Variants in SPATS2 observed in about 807,000 individuals in gnomAD.
SPATS2 encodes spermatogenesis associated serine rich 2.
In SPATS2, 38 loss-of-function variants were observed where a neutral mutation model predicts 63.7. The observed-to-expected ratio is 0.60, with a 90% CI of 0.46 to 0.78. SPATS2 has a LOEUF of 0.78. Among genes scored for constraint, SPATS2 ranks in the 30% least tolerant of loss-of-function variants. The pLI, the probability that SPATS2 is intolerant of heterozygous loss-of-function variation, is 0.00. For missense variants in SPATS2, 588 were observed against 666.2 expected, an observed-to-expected ratio of 0.88 and a Z score of 1.29; for synonymous variants, 207 against 232.9, an observed-to-expected ratio of 0.89 and a Z score of 1.01.
At chr12:49,500,034 T>TA (rs1210214706) in intron 8 of SPATS2, 36 bp from the exon 9 acceptor site, 1 of 1,249,884 alleles carries the variant, frequency 8.0e-7, no homozygotes, top group African/African-American at 1.6e-5. Flanking sequence ...TAATTATTCT[T>TA]TTTTTTTTTT....
At chr12:49,393,743 T>C (rs938035365) in intron 2 of SPATS2, among the ~76,000 whole-genome samples, 4 of 152,238 alleles carry the variant, frequency 2.6e-5, no homozygotes, top group African/African-American at 9.6e-5. Flanking sequence ...CCTTTTGATG[T>C]GACCCCAGTA....
At chr12:49,379,623 ATT>A (rs529791925) in intron 2 of SPATS2, among the ~76,000 whole-genome samples, 7 of 129,478 alleles carry the variant, frequency 5.4e-5, no homozygotes, top group Admixed American at 1.6e-4. Flanking sequence ...ATCTAGTTCA[ATT>A]TTTTTTTTTT....
In SPATS2 at chr12:49,383,326, A is replaced by AT. The variant is rs535019643; in HGVS notation, c.-244+12043dup. On this transcript the variant is annotated intron_variant, in intron 2 of 13. Coordinates refer to ENST00000552918, the MANE Select transcript of SPATS2 (RefSeq NM_023071.4). ...GAGACACCATGCCTGGATTGTATGT[A>AT]TTTTTTTAATGATATTTTGTATATT... 4.9e-3 allele frequency among the ~76,000 whole-genome samples: 751 copies of AT among 151,758 alleles called. 7 individuals carry two copies. Among genetic ancestry groups the AT allele is most frequent in the African/African-American group, 0.017 (700 of 41,392 alleles).
chr12:49,507,580 A>G (rs942407061), intron 9 of SPATS2, among the ~76,000 whole-genome samples: 1 of 152,224 alleles, frequency 6.6e-6, no homozygotes, highest in Non-Finnish European at 1.5e-5. Flanking sequence ...ATTAGATATA[A>G]GTAAAACTCA....
intron 2 of SPATS2, among the ~76,000 whole-genome samples, chr12:49,377,270 T>G (rs147831064): frequency 1.8e-4 from 27 of 152,292 alleles, no homozygotes; most frequent in African/African-American, 5.8e-4. Context: ...GTTATGATGA[T>G]CCTATAAATT....
chr12:49,498,151 T>TATAG (rs1565751668), intron 8 of SPATS2, among the ~76,000 whole-genome samples: 17 of 138,202 alleles, frequency 1.2e-4, no homozygotes, highest in Non-Finnish European at 2.5e-4. Flanking sequence ...AAAAAATATA[T>TATAG]ATATATATAT....
chr12:49,483,023 A>G (rs568454347), intron 3 of SPATS2, among the ~76,000 whole-genome samples: 13 of 150,704 alleles, frequency 8.6e-5, no homozygotes, highest in African/African-American at 2.7e-4. Flanking sequence ...TTCTGGGCTC[A>G]AGCGATCCAC....
chr12:49,385,846 T>A (rs1944306438), intron 2 of SPATS2, among the ~76,000 whole-genome samples: 1 of 131,600 alleles, frequency 7.6e-6, no homozygotes, highest in African/African-American at 3.8e-5. Flanking sequence ...GTTTTTTGTT[T>A]GTTTGTTTGT....
At chr12:49,378,124 C>A (rs1280314340) in intron 2 of SPATS2, among the ~76,000 whole-genome samples, 1 of 152,182 alleles carries the variant, frequency 6.6e-6, no homozygotes, top group East Asian at 1.9e-4. Context: ...AGGTGCTCGC[C>A]ACCATGCCTG....
At chr12:49,515,857 T>G (rs1946829364) in intron 10 of SPATS2, among the ~76,000 whole-genome samples, 1 of 151,546 alleles carries the variant, frequency 6.6e-6, no homozygotes, top group Non-Finnish European at 1.5e-5. Flanking sequence ...AAATAAGAAA[T>G]AAGGCTGGGC....
At chr12:49,429,254 TC>T (rs1315261442) in intron 2 of SPATS2, among the ~76,000 whole-genome samples, 6 of 152,314 alleles carry the variant, frequency 3.9e-5, no homozygotes, top group East Asian at 1.9e-4. Flanking sequence ...ATTTGAGGTT[TC>T]TTTTTTTTAT....
intron 2 of SPATS2, among the ~76,000 whole-genome samples, chr12:49,382,188 G>A (rs754349126): frequency 6.6e-6 from 1 of 152,182 alleles, no homozygotes; most frequent in Non-Finnish European, 1.5e-5. Flanking sequence ...GAAGTCTTTC[G>A]GGTGGATTCA....
At chr12:49,524,984 C>A in intron 13 of SPATS2, 88 bp downstream of exon 13, 3 of 1,269,220 alleles carry the variant, frequency 2.4e-6, no homozygotes, top group Non-Finnish European at 2.2e-6. Context: ...ATATTATCTT[C>A]CTCTCTATTC....
intron 4 of SPATS2, among the ~76,000 whole-genome samples, chr12:49,486,807 A>G (rs1164846975): frequency 6.6e-6 from 1 of 151,516 alleles, no homozygotes; most frequent in Non-Finnish European, 1.5e-5. Flanking sequence ...AAAAAGAGAG[A>G]GAAACCAGTA....
intron 2 of SPATS2, among the ~76,000 whole-genome samples, chr12:49,388,843 A>G (rs1374892149): frequency 6.6e-6 from 1 of 151,754 alleles, no homozygotes; most frequent in Non-Finnish European, 1.5e-5. Flanking sequence ...TGTAGGCACA[A>G]GTCCCCATGC....
At chr12:49,421,814 A>G (rs1024054604) in intron 2 of SPATS2, among the ~76,000 whole-genome samples, 1 of 152,204 alleles carries the variant, frequency 6.6e-6, no homozygotes, top group Non-Finnish European at 1.5e-5. Flanking sequence ...AATTTGGACT[A>G]TGTACGCTAC....
chr12:49,384,604 T>G (rs1338259859), intron 2 of SPATS2, among the ~76,000 whole-genome samples: 2 of 152,222 alleles, frequency 1.3e-5, no homozygotes, highest in Non-Finnish European at 2.9e-5. Flanking sequence ...AGTGAGATCA[T>G]ACAACATACT....
chr12:49,514,006 A>G (rs937912350), intron 9 of SPATS2, among the ~76,000 whole-genome samples: 1 of 152,056 alleles, frequency 6.6e-6, no homozygotes, highest in Non-Finnish European at 1.5e-5. Flanking sequence ...AATACAAAAA[A>G]AATAGACGAG....
intron 2 of SPATS2, among the ~76,000 whole-genome samples, chr12:49,399,688 A>G (rs1159242116): frequency 2.0e-5 from 3 of 152,224 alleles, no homozygotes; most frequent in Non-Finnish European, 2.9e-5. Context: ...CTTGAAAGAA[A>G]CAAATAGCAA....
Sources: gnomAD v4.1 joint callset for allele counts (sites outside exome capture counted in the v4.1 genomes callset) on GRCh38, gnomAD v4.1.1 for gene constraint, MANE v1.5 for transcripts, NCBI Gene and HGNC (gene_info 2026-07-23, HGNC 2026-07-21) for gene names.